The following CATSPERB variants were observed in gnomAD, a reference collection of about 807,000 sequenced individuals.
CATSPERB encodes the protein catsper channel auxiliary subunit beta.
Under a neutral mutation model 128.3 loss-of-function variants are expected in CATSPERB, and 93 were observed. The ratio of observed to expected loss-of-function variants is 0.72; its 90% CI spans 0.61 to 0.86. The LOEUF is 0.86. Among genes scored for constraint, CATSPERB ranks in the 40% least tolerant of loss-of-function variants. The pLI is 0.00. For synonymous variants in CATSPERB, 381 were observed against 448.8 expected, an observed-to-expected ratio of 0.85 and a Z score of 1.91; for missense variants, 1,153 against 1,329.5, an observed-to-expected ratio of 0.87 and a Z score of 2.06.
intron 17 of CATSPERB, among the ~76,000 whole-genome samples, chr14:91,626,104 G>C (rs1894155240): frequency 6.6e-6 from 1 of 152,080 alleles, no homozygotes; most frequent in Non-Finnish European, 1.5e-5. Flanking sequence ...CAGCGTGGGT[G>C]ACAGAGCCAG....
chr14:91,705,480 A>G (rs749541431), intron 6 of CATSPERB, among the ~76,000 whole-genome samples: 3 of 152,064 alleles, frequency 2.0e-5, no homozygotes, highest in Non-Finnish European at 4.4e-5. Context: ...AGCATCTCCA[A>G]TGCAGCACAG....
chr14:91,639,167 G>A lies in CATSPERB; in HGVS notation c.1516C>T (p.Leu506=). 6.2e-7 allele frequency: 1 copy of A among 1,613,940 alleles called. No homozygotes were observed. The highest frequency in any genetic ancestry group is 1.7e-5 in the Admixed American group (1 of 59,992). ...YYDHLGFLHK[L]TLGRFEASGP... ...CTAGCTTCAAAGCGACCCAGAGTCA[G>A]CTTATGTAGGAATCCCAAGTGATCA... The change falls in exon 16 of 27, where the codon CTG becomes TTG. Residue 506 remains leucine, a synonymous_variant. Coordinates refer to ENST00000256343, the MANE Select transcript of CATSPERB (RefSeq NM_024764.4).
At chr14:91,629,383 A>G (rs184891744) in intron 17 of CATSPERB, among the ~76,000 whole-genome samples, 7 of 152,346 alleles carry the variant, frequency 4.6e-5, no homozygotes, top group African/African-American at 1.7e-4. Context: ...AGAGTTGAAG[A>G]GGCAAAGCAT....
At chr14:91,615,531 C>T (rs1893919280) in intron 20 of CATSPERB, among the ~76,000 whole-genome samples, 1 of 152,178 alleles carries the variant, frequency 6.6e-6, no homozygotes, top group Non-Finnish European at 1.5e-5. Flanking sequence ...TCACATACAA[C>T]CGAGGATGTG....
At chr14:91,649,418 T>G (rs1178576542) in intron 15 of CATSPERB, among the ~76,000 whole-genome samples, 2 of 152,010 alleles carry the variant, frequency 1.3e-5, no homozygotes, top group Non-Finnish European at 2.9e-5. Context: ...TGCTCCCGCC[T>G]TGGCCTCCCA....
At chr14:91,599,331 G>A (rs867496240) in intron 22 of CATSPERB, among the ~76,000 whole-genome samples, 11 of 152,116 alleles carry the variant, frequency 7.2e-5, no homozygotes, top group African/African-American at 2.7e-4. Flanking sequence ...AGGCCGAGGC[G>A]GGCGGATCAC....
chr14:91,690,417 C>A (rs1168981948), intron 10 of CATSPERB, among the ~76,000 whole-genome samples: 1 of 152,166 alleles, frequency 6.6e-6, no homozygotes, highest in African/African-American at 2.4e-5. Flanking sequence ...CTCCTGCTCT[C>A]CCAGGTCTTA....
At position 91,670,514 on chromosome 14, in the gene CATSPERB, TA is replaced by T. The variant is rs544487016; in HGVS notation, c.1129-543del. Among the ~76,000 whole-genome samples, 1,428 of 146,252 alleles carry T rather than the reference TA, an allele frequency of 9.8e-3. 17 individuals carry two copies. The highest frequency in any genetic ancestry group is 0.046 in the Middle Eastern group (13 of 280). ...TCAACAAAGTGAGACCCAGTTGCAT[TA>T]AAAAAAAAAATTAAAAATTAGCCAG... On this transcript the variant is annotated intron_variant, in intron 13 of 26. Coordinates refer to ENST00000256343, the MANE Select transcript of CATSPERB (RefSeq NM_024764.4).
intron 1 of CATSPERB, among the ~76,000 whole-genome samples, chr14:91,731,474 T>C (rs1896209437): frequency 6.6e-6 from 1 of 152,220 alleles, no homozygotes; most frequent in African/African-American, 2.4e-5. Context: ...ATTTAACTTC[T>C]TGGAGTTCAT....
At chr14:91,603,549 C>A in intron 22 of CATSPERB, 2 of 732,692 alleles carry the variant, frequency 2.7e-6, no homozygotes, top group Non-Finnish European at 4.9e-6. Context: ...CAGAGGACCC[C>A]ACCGCTCTAG....
intron 11 of CATSPERB, 104 bp downstream of exon 11, chr14:91,683,773 A>G: frequency 1.5e-6 from 1 of 683,778 alleles, no homozygotes; most frequent in Non-Finnish European, 2.4e-6. Flanking sequence ...CCCAGCCTAA[A>G]GTTTGGAATG....
intron 15 of CATSPERB, among the ~76,000 whole-genome samples, chr14:91,659,313 A>C (rs1317396418): frequency 6.6e-6 from 1 of 152,244 alleles, no homozygotes; most frequent in Non-Finnish European, 1.5e-5. Flanking sequence ...TTAGTTAAGA[A>C]ATAAAATTAT....
At chr14:91,636,993 C>G (rs1269499057) in intron 16 of CATSPERB, among the ~76,000 whole-genome samples, 3 of 152,212 alleles carry the variant, frequency 2.0e-5, no homozygotes, top group Non-Finnish European at 4.4e-5. Flanking sequence ...GCTAGAGACT[C>G]TGGACAGCTG....
intron 22 of CATSPERB, among the ~76,000 whole-genome samples, chr14:91,602,784 G>A (rs1024064657): frequency 6.6e-6 from 1 of 152,110 alleles, no homozygotes; most frequent in Non-Finnish European, 1.5e-5. Context: ...CATCCATGTT[G>A]TCATCACTGT....
intron 2 of CATSPERB, 78 bp downstream of exon 2, chr14:91,729,323 T>G (rs1186112826): frequency 3.5e-6 from 2 of 577,736 alleles, no homozygotes; most frequent in Non-Finnish European, 5.8e-6. Context: ...AAAGAAAAAT[T>G]TTTTACTGTA....
intron 25 of CATSPERB, among the ~76,000 whole-genome samples, 200 bp from the exon 26 acceptor site, chr14:91,587,476 A>ATTTTTTTTTTTTTTT (rs1893324019): frequency 9.4e-5 from 7 of 74,764 alleles, no homozygotes; most frequent in South Asian, 4.6e-4. Flanking sequence ...AATAGCTGAT[A>ATTTTTTTTTTTTTTT]CTTTTTTTTT....
chr14:91,722,382 A>C (rs1381813245), intron 4 of CATSPERB, among the ~76,000 whole-genome samples: 1 of 152,230 alleles, frequency 6.6e-6, no homozygotes, highest in East Asian at 1.9e-4. Context: ...ACATATGCTA[A>C]CTGAAAGAAG....
chr14:91,592,858 GC>G (rs1350816387), intron 22 of CATSPERB, among the ~76,000 whole-genome samples: 1 of 152,188 alleles, frequency 6.6e-6, no homozygotes, highest in Non-Finnish European at 1.5e-5. Flanking sequence ...CTTCATGGCA[GC>G]CCCTCCCATC....
At chr14:91,594,737 G>A (rs1318099325) in intron 22 of CATSPERB, among the ~76,000 whole-genome samples, 1 of 151,750 alleles carries the variant, frequency 6.6e-6, no homozygotes, top group Non-Finnish European at 1.5e-5. Flanking sequence ...AGGGGAGGAA[G>A]GGAGAAAAAA....
Sources: gnomAD v4.1 joint callset for allele counts (sites outside exome capture counted in the v4.1 genomes callset) on GRCh38, gnomAD v4.1.1 for gene constraint, MANE v1.5 for transcripts, NCBI Gene and HGNC (gene_info 2026-07-23, HGNC 2026-07-21) for gene names.